The following GSG1 variants were observed in gnomAD, a reference collection of about 807,000 sequenced individuals.
The protein encoded by GSG1 is germ cell-specific gene 1 protein.
GSG1 carries 28 observed loss-of-function variants against 30.8 expected under a neutral mutation model. That is an observed-to-expected ratio of 0.91 (90% CI 0.67 to 1.25). GSG1 has a LOEUF of 1.25. Among genes scored for constraint, GSG1 ranks in the 50% most tolerant of loss-of-function variants. The probability of loss-of-function intolerance (pLI) is 0.00; values close to 1 mark genes in which losing one functional copy is unlikely to be tolerated. For missense variants in GSG1, 435 were observed against 444.7 expected (o/e 0.98, Z 0.20); for synonymous variants, 162 against 178.0 (o/e 0.91, Z 0.71).
rs570409108 is a variant in GSG1, at chr12:13,092,156, T to G, written c.49-1338A>C. Among the ~76,000 whole-genome samples the G allele has an allele frequency of 2.6e-5, 4 of 152,242 alleles. No homozygotes were observed. In the East Asian group the frequency reaches 5.8e-4, roughly 22 times the overall value. ...TGCAGAAGTCAGAGTGAATTGGAAG[T>G]GAGTATGTTAAAATCTTCCATTTCT... is the stretch of plus-strand genomic sequence containing the variant. On this transcript the variant is annotated intron_variant, in intron 1 of 6. Coordinates refer to ENST00000651961, the MANE Select transcript of GSG1 (RefSeq NM_001080555.4).
chr12:13,086,818 AAAG>A (rs1865571358), intron 6 of GSG1, among the ~76,000 whole-genome samples: 1 of 152,198 alleles, frequency 6.6e-6, no homozygotes, highest in Non-Finnish European at 1.5e-5. Flanking sequence ...AAAGAAAAAA[AAAG>A]AGCACATTTC....
At chr12:13,102,076 T>C (rs1863253884) in intron 1 of GSG1, among the ~76,000 whole-genome samples, 1 of 152,224 alleles carries the variant, frequency 6.6e-6, no homozygotes, top group African/African-American at 2.4e-5. Context: ...GACATCTTCC[T>C]TAATCCTCAC....
intron 1 of GSG1, among the ~76,000 whole-genome samples, chr12:13,098,169 C>T (rs900256636): frequency 1.0e-4 from 15 of 149,732 alleles, no homozygotes; most frequent in Non-Finnish European, 2.2e-4. Flanking sequence ...GTTGCATTGG[C>T]GGTTGGTTTC....
intron 1 of GSG1, 40 bp from the exon 2 acceptor site, chr12:13,090,858 G>A (rs758977855): frequency 2.3e-5 from 36 of 1,549,694 alleles, no homozygotes; most frequent in Non-Finnish European, 2.9e-5. Flanking sequence ...AGGGAGCAGG[G>A]GAGCTTGACT....
intron 1 of GSG1, among the ~76,000 whole-genome samples, chr12:13,099,267 T>G (rs955673447): frequency 1.3e-5 from 2 of 152,210 alleles, no homozygotes; most frequent in African/African-American, 4.8e-5. Flanking sequence ...TTCTTCCTTT[T>G]CCTCTCTTAG....
chr12:13,101,232 A>G lies in GSG1; in HGVS notation c.48+2233T>C, dbSNP rs1863172325. Among the ~76,000 whole-genome samples, 3 of 151,764 alleles carry G rather than the reference A, an allele frequency of 2.0e-5. No homozygotes were observed. The highest frequency in any genetic ancestry group is 6.6e-5 in the Admixed American group (1 of 15,264). ...CTCTCGGGGGTGCCTGGGCCGCGCC[A>G]TCTCCACTTCCGAGCGCGCCCTCCC... On this transcript the variant is annotated intron_variant, in intron 1 of 6. Transcript: ENST00000651961. This position sits in a 1 kb window ranked among gnomAD's most constrained non-coding sequence, Gnocchi z 5.8.
rs993033435 is a variant in GSG1, at chr12:13,101,548, A to G, written c.48+1917T>C. ...CCGGCGAGCCGCGGAGGGCGGGGCC[A>G]CATGTGTCCCGGAGCTGGGCCGGGG... On this transcript the variant is annotated intron_variant, in intron 1 of 6. Transcript: ENST00000651961. This position sits in a 1 kb window ranked among gnomAD's most constrained non-coding sequence, Gnocchi z 5.8. 6.6e-6 allele frequency among the ~76,000 whole-genome samples: 1 copy of G among 152,174 alleles called. No homozygotes were observed. The highest frequency in any genetic ancestry group is 1.5e-5 in the Non-Finnish European group (1 of 68,014).
At position 13,085,000 on chromosome 12, in the gene GSG1, G is replaced by T; in HGVS notation, c.990C>A (p.Val330=). The T allele has an allele frequency of 1.3e-6, 2 of 1,556,282 alleles. No individual in the cohort carries two copies. The highest frequency in any genetic ancestry group is 3.9e-5 in the Admixed American group (2 of 51,188). ...TGTTCCGCAGCTCGGAGTAGAAGTC[G>T]ACTCCCTCAGAGACAGAGTGGATGG... ...NQPIHSVSEG[V]DFYSELRNKG... The change falls in exon 7 of 7, where the codon GTC becomes GTA. Residue 330 remains valine (V), a synonymous_variant. Coordinates refer to ENST00000651961, the MANE Select transcript of GSG1 (RefSeq NM_001080555.4).
intron 1 of GSG1, among the ~76,000 whole-genome samples, chr12:13,096,804 A>G (rs1040087363): frequency 1.3e-5 from 2 of 152,086 alleles, no homozygotes; most frequent in African/African-American, 4.8e-5. Flanking sequence ...AATTGTACAA[A>G]TAGCTGGGCG....
chr12:13,087,892 C>G lies in GSG1; in HGVS notation c.634+15G>C, dbSNP rs1865688551. ...CCAGGGCCAACCACCCTCTCTCACT[C>G]CAGGAGCAACTCACCTGACAGGACA... On this transcript the variant is annotated intron_variant, in intron 5 of 6. Coordinates refer to ENST00000651961, the MANE Select transcript of GSG1 (RefSeq NM_001080555.4). 1.2e-6 allele frequency: 2 copies of G among 1,613,006 alleles called. No individual in the cohort carries two copies. The highest frequency in any genetic ancestry group is 1.7e-6 in the Non-Finnish European group (2 of 1,179,580).
intron 1 of GSG1, among the ~76,000 whole-genome samples, chr12:13,097,248 A>G (rs1026054021): frequency 6.6e-6 from 1 of 152,144 alleles, no homozygotes; most frequent in Non-Finnish European, 1.5e-5. Flanking sequence ...TACCTGGTGA[A>G]TTGCCTGCCT....
In GSG1 at chr12:13,085,089, G is replaced by A. The variant is rs554709695; in HGVS notation, c.901C>T (p.Arg301Trp). 3.0e-5 allele frequency: 48 copies of A among 1,613,242 alleles called. No individual in the cohort carries two copies. Among genetic ancestry groups the A allele is most frequent in the East Asian group, 6.7e-5 (3 of 44,862 alleles). The change falls in exon 7 of 7, where the codon CGG becomes TGG. Residue 301 changes from arginine (R) to tryptophan (W), a missense_variant. Coordinates refer to ENST00000651961, the MANE Select transcript of GSG1 (RefSeq NM_001080555.4). ...ACGGTGGGGGCTGCACTTGACAGCC[G>A]CCGAGGGAAACACTGATGGTGATGT... ...LPHHHQCFPR[R>W]LSSAAPTVGP...
intron 1 of GSG1, among the ~76,000 whole-genome samples, chr12:13,099,429 C>T (rs1018771786): frequency 2.6e-5 from 4 of 152,178 alleles, no homozygotes; most frequent in African/African-American, 7.2e-5. Flanking sequence ...ATGACCTCCG[C>T]AGGAATATAT....
chr12:13,095,823 C>T, intron 1 of GSG1: 1 of 1,462,468 alleles, frequency 6.8e-7, no homozygotes, highest in Non-Finnish European at 9.0e-7. Flanking sequence ...GCAATCAGGG[C>T]CCAGCTGTTC....
chr12:13,088,832 A>G, intron 4 of GSG1, 30 bp downstream of exon 4: 2 of 1,614,222 alleles, frequency 1.2e-6, no homozygotes, highest in Non-Finnish European at 1.7e-6. Flanking sequence ...GGGCCTTGCA[A>G]CGTGGCAAAT....
At chr12:13,103,022 A>G (rs1238238478) in intron 1 of GSG1, among the ~76,000 whole-genome samples, 2 of 152,252 alleles carry the variant, frequency 1.3e-5, no homozygotes, top group Non-Finnish European at 2.9e-5. Flanking sequence ...GTTCTCTGGC[A>G]TAGAGCTTGA....
At chr12:13,091,289 G>A (rs1395558174) in intron 1 of GSG1, among the ~76,000 whole-genome samples, 1 of 152,212 alleles carries the variant, frequency 6.6e-6, no homozygotes, top group Non-Finnish European at 1.5e-5. Flanking sequence ...TGTGACTGTA[G>A]GTCATAAGAC....
chr12:13,089,459 G>A, intron 2 of GSG1, 183 bp from the exon 3 acceptor site: 1 of 903,274 alleles, frequency 1.1e-6, no homozygotes, highest in Non-Finnish European at 1.6e-6. Flanking sequence ...GTGCTCTTGG[G>A]CAGGGAAGAG....
intron 1 of GSG1, among the ~76,000 whole-genome samples, chr12:13,099,750 G>GTTTTGTTTTT (rs1863022060): frequency 5.2e-5 from 6 of 114,826 alleles, no homozygotes; most frequent in Admixed American, 9.4e-5. Context: ...GTTTTTTTTT[G>GTTTTGTTTTT]TTTTTTTTTT....
Sources: gnomAD v4.1 joint callset for allele counts (sites outside exome capture counted in the v4.1 genomes callset) on GRCh38, gnomAD v4.1.1 for gene constraint, Gnocchi (gnomAD v3.1) non-coding constraint, MANE v1.5 for transcripts, NCBI Gene and HGNC (gene_info 2026-07-23, HGNC 2026-07-21) for gene names.